Variants in ASTN2 observed in about 807,000 individuals in gnomAD.
ASTN2 encodes the protein astrotactin-2.
Under a neutral mutation model 139.8 loss-of-function variants are expected in ASTN2, and 54 were observed. The observed-to-expected ratio is 0.39, with a 90% CI of 0.31 to 0.48. The LOEUF is 0.48. Among genes scored for constraint, ASTN2 ranks in the 20% least tolerant of loss-of-function variants. The pLI, the probability that ASTN2 is intolerant of heterozygous loss-of-function variation, is 0.95. For missense variants in ASTN2, 1,565 were observed against 1,725.1 expected, an observed-to-expected ratio of 0.91 and a Z score of 1.64; for synonymous variants, 756 against 719.5, an observed-to-expected ratio of 1.05 and a Z score of -0.81.
intron 13 of ASTN2, among the ~76,000 whole-genome samples, chr9:116,767,798 A>T (rs1829849370): frequency 6.6e-6 from 1 of 152,250 alleles, no homozygotes; most frequent in African/African-American, 2.4e-5. Context: ...TGGGGAACAG[A>T]GGAATGGAGC....
At chr9:116,766,486 C>A (rs939684677) in intron 13 of ASTN2, among the ~76,000 whole-genome samples, 3 of 151,524 alleles carry the variant, frequency 2.0e-5, no homozygotes, top group Non-Finnish European at 2.9e-5. Flanking sequence ...ATCACACACA[C>A]AAGCACACAC....
chr9:116,681,411 G>A (rs971041218), intron 16 of ASTN2, among the ~76,000 whole-genome samples: 2 of 152,136 alleles, frequency 1.3e-5, no homozygotes, highest in Non-Finnish European at 2.9e-5. Flanking sequence ...CATGCTCATT[G>A]GTAGGAAGAA....
At chr9:116,890,597 A>G (rs1833739288) in intron 10 of ASTN2, among the ~76,000 whole-genome samples, 1 of 152,210 alleles carries the variant, frequency 6.6e-6, no homozygotes, top group South Asian at 2.1e-4. Flanking sequence ...GTCCCCTGTC[A>G]AAGCTGTGTG....
chr9:116,632,173 A>AGG (rs1856793131), intron 17 of ASTN2, among the ~76,000 whole-genome samples: 3 of 30,822 alleles, frequency 9.7e-5, no homozygotes, highest in African/African-American at 2.9e-4. Context: ...AGAGAGAGAG[A>AGG]GAGAGAGAGA....
At chr9:117,287,240 T>C (rs1348560511) in intron 2 of ASTN2, among the ~76,000 whole-genome samples, 1 of 152,208 alleles carries the variant, frequency 6.6e-6, no homozygotes, top group Non-Finnish European at 1.5e-5. Flanking sequence ...ATTCCAGTTT[T>C]ACAAATGATG....
At chr9:117,099,500 C>T (rs1828921650) in intron 4 of ASTN2, among the ~76,000 whole-genome samples, 1 of 152,164 alleles carries the variant, frequency 6.6e-6, no homozygotes, top group Non-Finnish European at 1.5e-5. Context: ...GACAGAGTGA[C>T]AGAAAAGTCA....
intron 19 of ASTN2, among the ~76,000 whole-genome samples, chr9:116,600,344 AAAAG>A (rs1564144184): frequency 2.1e-5 from 3 of 142,496 alleles, no homozygotes; most frequent in African/African-American, 5.8e-5. Flanking sequence ...AAAAAAAAAA[AAAAG>A]AAAGAAAGAA....
chr9:116,701,395 C>T (rs1004790935), intron 16 of ASTN2: 1 of 154,582 alleles, frequency 6.5e-6, no homozygotes, highest in Non-Finnish European at 1.5e-5. Flanking sequence ...GGAAATTGAT[C>T]CAATTGAAAG....
At chr9:117,238,323 G>C (rs1274777867) in intron 2 of ASTN2, among the ~76,000 whole-genome samples, 1 of 152,106 alleles carries the variant, frequency 6.6e-6, no homozygotes, top group Non-Finnish European at 1.5e-5. Flanking sequence ...AGATGTCAGG[G>C]ATATAGGTAA....
At chr9:116,722,991 C>G (rs35533103) in intron 16 of ASTN2, among the ~76,000 whole-genome samples, 24,942 of 152,086 alleles carry the variant, frequency 0.16, 2,483 homozygotes, top group Non-Finnish European at 0.23. Context: ...CAGTGAAACC[C>G]CATCTCTACT....
intron 13 of ASTN2, among the ~76,000 whole-genome samples, chr9:116,785,459 C>T (rs745881090): frequency 1.3e-5 from 2 of 152,152 alleles, no homozygotes; most frequent in Non-Finnish European, 2.9e-5. Context: ...CTATTGACGC[C>T]GGATGATGAG....
At chr9:116,538,920 G>C (rs1851761382) in intron 19 of ASTN2, among the ~76,000 whole-genome samples, 1 of 152,074 alleles carries the variant, frequency 6.6e-6, no homozygotes, top group Non-Finnish European at 1.5e-5. Flanking sequence ...TCATTGACAA[G>C]AACTAGTAAG....
intron 19 of ASTN2, among the ~76,000 whole-genome samples, chr9:116,520,480 C>T (rs559567546): frequency 3.9e-5 from 6 of 151,958 alleles, no homozygotes; most frequent in Admixed American, 6.6e-5. Flanking sequence ...TCAGCAAAAT[C>T]GGCATAGAAG....
At chr9:117,361,026 C>T (rs1829677909) in intron 1 of ASTN2, among the ~76,000 whole-genome samples, 1 of 152,094 alleles carries the variant, frequency 6.6e-6, no homozygotes, top group African/African-American at 2.4e-5. Context: ...CCTGACACCA[C>T]AAATAAATTC....
At chr9:117,269,561 C>T (rs1183161535) in intron 2 of ASTN2, among the ~76,000 whole-genome samples, 1 of 152,058 alleles carries the variant, frequency 6.6e-6, no homozygotes, top group Non-Finnish European at 1.5e-5. Flanking sequence ...GAAACATGGG[C>T]CTTATTTGTT....
chr9:117,414,780 GGCGGTGGCGCCGGCCAGCA>G lies in ASTN2; in HGVS notation c.140_158del (p.Leu47ProfsTer13). 1 of 1,259,308 alleles carries G rather than the reference GGCGGTGGCGCCGGCCAGCA, an allele frequency of 7.9e-7. No homozygotes were observed. The highest frequency in any genetic ancestry group is 1.0e-6 in the Non-Finnish European group (1 of 1,001,206). The allele number at this position is 1,259,308 out of a possible 1,614,324, so 78.0% of individuals were successfully genotyped here. A position where few individuals can be genotyped will look rare whatever the true frequency, so the allele number is the denominator to read the frequency against. ...GGCTGTCGGGCTCCCGCGAGGCAGCGGCGGTGGCGCCGGCCAGCAGCGGCGGCGGCGGCAGCAGGAGCAG... is the reference window on the plus strand; with the variant it reads ...GGCTGTCGGGCTCCCGCGAGGCAGCGGCGGCGGCGGCGGCAGCAGGAGCAG... On this transcript the variant is annotated frameshift_variant, in exon 1 of 23. Transcript: ENST00000313400. LOFTEE classifies it high-confidence loss of function. This position sits in a 1 kb window ranked among gnomAD's most constrained non-coding sequence, Gnocchi z 4.2.
At chr9:116,701,599 T>C (rs10983307) in intron 16 of ASTN2, among the ~76,000 whole-genome samples, 23,837 of 152,138 alleles carry the variant, frequency 0.16, 2,387 homozygotes, top group Non-Finnish European at 0.23. Context: ...AGGCCAGGAA[T>C]CCTCCAGCTG....
chr9:116,541,830 C>T (rs1335179148), intron 19 of ASTN2, among the ~76,000 whole-genome samples: 1 of 152,094 alleles, frequency 6.6e-6, no homozygotes, highest in African/African-American at 2.4e-5. Flanking sequence ...TAATTATATA[C>T]CATTTTAAAT....
At chr9:116,835,244 CA>C (rs1364718191) in intron 11 of ASTN2, among the ~76,000 whole-genome samples, 1 of 152,106 alleles carries the variant, frequency 6.6e-6, no homozygotes, top group Non-Finnish European at 1.5e-5. Context: ...AAATTCTCAT[CA>C]GATGGGTTTA....
Sources: allele counts gnomAD v4.1 joint callset (sites outside exome capture counted in the v4.1 genomes callset), GRCh38; gene constraint gnomAD v4.1.1; non-coding constraint Gnocchi (gnomAD v3.1); transcripts MANE v1.5; gene names NCBI Gene and HGNC (gene_info 2026-07-23, HGNC 2026-07-21).